The following ZDHHC1 variants were observed in gnomAD, a reference collection of about 807,000 sequenced individuals.
ZDHHC1 encodes the protein palmitoyltransferase ZDHHC1.
A neutral mutation model predicts 46.9 loss-of-function variants in ZDHHC1; 45 were observed. That is an observed-to-expected ratio of 0.96 (90% confidence interval 0.76 to 1.23). The LOEUF (loss-of-function observed/expected upper bound fraction) is 1.23. Ranked by LOEUF, ZDHHC1 falls within the 50% of genes most tolerant of loss-of-function variation. ZDHHC1 has a pLI of 0.00. For synonymous variants in ZDHHC1, 291 were observed against 286.0 expected, an observed-to-expected ratio of 1.02 and a Z score of -0.18; for missense variants, 649 against 670.8, an observed-to-expected ratio of 0.97 and a Z score of 0.36.
chr16:67,414,531 C>G (rs891198167), intron 1 of ZDHHC1, among the ~76,000 whole-genome samples: 1 of 152,222 alleles, frequency 6.6e-6, no homozygotes, highest in African/African-American at 2.4e-5. Flanking sequence ...ATAACCAACA[C>G]CAGCATTTAG....
chr16:67,399,607 TGCAG>T, intron 4 of ZDHHC1, 151 bp from the exon 5 acceptor site: 1 of 591,424 alleles, frequency 1.7e-6, no homozygotes, highest in East Asian at 3.2e-5. Context: ...GCGCGCCCTC[TGCAG>T]GCGCTGCGGG....
intron 4 of ZDHHC1, among the ~76,000 whole-genome samples, chr16:67,400,451 G>A (rs1469173659): frequency 6.6e-6 from 1 of 152,260 alleles, no homozygotes; most frequent in East Asian, 1.9e-4. Flanking sequence ...GACTCCTCCT[G>A]GGTAGACCCC....
Position 67,401,186 on chromosome 16 carries a change from C to T in ZDHHC1, c.253-54G>A, listed in dbSNP as rs922426700. The T allele has an allele frequency of 2.0e-5, 32 of 1,589,504 alleles. No individual in the cohort carries two copies. The highest frequency in any genetic ancestry group is 2.2e-4 in the Middle Eastern group (1 of 4,508). ...ACTCTGCCGGCTGGGAGTCCTGCCC[C>T]GTTCCTTGCAGCCAGAGAACTCCCC... On this transcript the variant is annotated intron_variant, in intron 3 of 11. Coordinates refer to ENST00000565726, the MANE Select transcript of ZDHHC1 (RefSeq NM_001323627.2). This position sits in a 1 kb window ranked among gnomAD's most constrained non-coding sequence, Gnocchi z 4.6.
At chr16:67,395,700 T>TG in intron 8 of ZDHHC1, 134 bp from the exon 9 acceptor site, 1 of 881,440 alleles carries the variant, frequency 1.1e-6, no homozygotes, top group Non-Finnish European at 1.7e-6. Flanking sequence ...CTCCCAGCCA[T>TG]GCTGGGAAAA....
chr16:67,398,268 CCTCCTGTGGTGGG>C lies in ZDHHC1; in HGVS notation c.858_870del (p.Pro288ArgfsTer43). On this transcript the variant is annotated frameshift_variant, in exon 8 of 12. Transcript: ENST00000565726. LOFTEE classifies it high-confidence loss of function. The stretch of plus-strand genomic sequence containing the variant: ...TCGAGCTCCCTGTGAACCCCCTTGG[CCTCCTGTGGTGGG>C]CGGTGCTGCACGATGTACTCATAGG... 1 of 1,614,154 alleles carries C rather than the reference CCTCCTGTGGTGGG, an allele frequency of 6.2e-7. No homozygotes were observed. Among genetic ancestry groups the C allele is most frequent in the Non-Finnish European group, 8.5e-7 (1 of 1,180,000 alleles).
At position 67,399,339 on chromosome 16, in the gene ZDHHC1, G is replaced by A; in HGVS notation, c.530+16C>T. On this transcript the variant is annotated intron_variant, in intron 5 of 11. Coordinates refer to ENST00000565726, the MANE Select transcript of ZDHHC1 (RefSeq NM_001323627.2). ...CAGTGCATCCCCAGGCCCGCGTGCG[G>A]CCGGGCTGTCCTCACCGGTAGTTCC... The A allele has an allele frequency of 6.2e-7, 1 of 1,604,010 alleles. No individual in the cohort carries two copies. The highest frequency in any genetic ancestry group is 8.5e-7 in the Non-Finnish European group (1 of 1,173,448).
rs2040375213 is a variant in ZDHHC1 at position 67,394,500 on chromosome 16, T to G, written c.*110A>C. 6.1e-6 allele frequency: 6 copies of G among 978,346 alleles called. No individual in the cohort carries two copies. In the South Asian group the frequency reaches 2.5e-4, roughly 41 times the overall value. 60.6% of individuals were successfully genotyped at this position (978,346 alleles called of 1,614,324 possible). A position where few individuals can be genotyped will look rare whatever the true frequency, so the allele number is the denominator to read the frequency against. On this transcript the variant is annotated 3_prime_UTR_variant, in exon 12 of 12. Transcript: ENST00000565726. ...CTGAGTCGTGGGGGAGGGAGGCCGA[T>G]CCCGCCGGCCGTAGGGGCCCCTAAA...
At chr16:67,395,312 C>G in intron 9 of ZDHHC1, 32 bp from the exon 10 acceptor site, 1 of 1,502,308 alleles carries the variant, frequency 6.7e-7, no homozygotes, top group Non-Finnish European at 8.9e-7. Flanking sequence ...AAGCCTGGGG[C>G]CTGTTCCCCA....
chr16:67,411,453 C>A lies in ZDHHC1; in HGVS notation c.-38-3640G>T, dbSNP rs558577387. Among the ~76,000 whole-genome samples, 5 of 152,276 alleles carry A rather than the reference C, an allele frequency of 3.3e-5. No individual in the cohort carries two copies. In the South Asian group the frequency reaches 1.0e-3, roughly 32 times the overall value. ...ACTCACAGACTGAGGAACATTGGGGCAAATTTCACAGATCCACTTCTTTGG... is the reference window on the plus strand; with the variant it reads ...ACTCACAGACTGAGGAACATTGGGGAAAATTTCACAGATCCACTTCTTTGG... On this transcript the variant is annotated intron_variant, in intron 1 of 11. Transcript: ENST00000565726.
intron 5 of ZDHHC1, 77 bp from the exon 6 acceptor site, chr16:67,399,021 G>C: frequency 7.8e-6 from 12 of 1,548,020 alleles, no homozygotes; most frequent in Non-Finnish European, 9.6e-6. Context: ...GGGCTGTAGG[G>C]TCATTGCTAT....
Position 67,394,509 on chromosome 16 carries a change from C to G in ZDHHC1, c.*101G>C, listed in dbSNP as rs1004089116. 14 of 1,053,324 alleles carry G rather than the reference C, an allele frequency of 1.3e-5. No individual in the cohort carries two copies. In the African/African-American group the frequency reaches 2.0e-4, roughly 15 times the overall value. 65.2% of individuals were successfully genotyped at this position (1,053,324 alleles called of 1,614,324 possible). ...GGGGGAGGGAGGCCGATCCCGCCGG[C>G]CGTAGGGGCCCCTAAAGTGCACTCG... On this transcript the variant is annotated 3_prime_UTR_variant, in exon 12 of 12. Transcript: ENST00000565726.
Position 67,400,951 on chromosome 16 carries a change from A to T in ZDHHC1, c.428+6T>A. On this transcript the variant is annotated splice_donor_region_variant and intron_variant, in intron 4 of 11. Coordinates refer to ENST00000565726, the MANE Select transcript of ZDHHC1 (RefSeq NM_001323627.2). ...TCGGCAGCCACAAGCACCCACACAC[A>T]CTCACACATCCACGTTGCACAAGTT... The T allele has an allele frequency of 6.2e-7, 1 of 1,613,066 alleles. No individual in the cohort carries two copies. The highest frequency in any genetic ancestry group is 8.5e-7 in the Non-Finnish European group (1 of 1,179,606).
intron 1 of ZDHHC1, among the ~76,000 whole-genome samples, chr16:67,408,178 T>C (rs968585342): frequency 6.6e-6 from 1 of 152,028 alleles, no homozygotes; most frequent in Non-Finnish European, 1.5e-5. Context: ...TTTTTTTTTT[T>C]CTTCTGAGAC....
intron 8 of ZDHHC1, among the ~76,000 whole-genome samples, chr16:67,396,623 G>C (rs752044191): frequency 2.6e-5 from 4 of 152,322 alleles, no homozygotes; most frequent in Non-Finnish European, 5.9e-5. Context: ...AGCCCAGCCA[G>C]CGGCCCCGCC....
intron 3 of ZDHHC1, among the ~76,000 whole-genome samples, chr16:67,403,118 C>G (rs2040584552): frequency 6.6e-6 from 1 of 152,122 alleles, no homozygotes; most frequent in Non-Finnish European, 1.5e-5. Flanking sequence ...GAAAGGGGGC[C>G]TGGCTAGGGA....
chr16:67,413,210 G>A (rs1032037635), intron 1 of ZDHHC1, among the ~76,000 whole-genome samples: 4 of 152,084 alleles, frequency 2.6e-5, no homozygotes, highest in Non-Finnish European at 5.9e-5. Context: ...CTCCCAAAGC[G>A]CTGGGATTAC....
intron 5 of ZDHHC1, 89 bp downstream of exon 5, chr16:67,399,266 C>T (rs369813071): frequency 1.6e-6 from 2 of 1,238,222 alleles, no homozygotes; most frequent in Non-Finnish European, 2.3e-6. Flanking sequence ...TCCCCATCCC[C>T]GCCCGCCTGC....
In ZDHHC1 at chr16:67,416,434, G is replaced by A; in HGVS notation, c.-302C>T. ...GGCTCCGGCTCCAGCAGGCTGGAGG[G>A]GCGGCCAGGCCAGACCCAGACTGGC... On this transcript the variant is annotated 5_prime_UTR_variant, in exon 1 of 12. Coordinates refer to ENST00000565726, the MANE Select transcript of ZDHHC1 (RefSeq NM_001323627.2). The A allele has an allele frequency of 5.0e-6, 1 of 199,728 alleles. No homozygotes were observed. Among genetic ancestry groups the A allele is most frequent in the South Asian group, 5.9e-5 (1 of 16,828 alleles). The allele number at this position is 199,728 out of a possible 1,614,324, so 12.4% of individuals were successfully genotyped here. A position where few individuals can be genotyped will look rare whatever the true frequency, so the allele number is the denominator to read the frequency against.
intron 1 of ZDHHC1, among the ~76,000 whole-genome samples, chr16:67,415,121 C>G (rs938472432): frequency 6.7e-6 from 1 of 150,358 alleles, no homozygotes; most frequent in African/African-American, 2.5e-5. Flanking sequence ...GGTGACAGAG[C>G]GAGACTCCAT....
Sources: allele counts gnomAD v4.1 joint callset (sites outside exome capture counted in the v4.1 genomes callset), GRCh38; gene constraint gnomAD v4.1.1; non-coding constraint Gnocchi (gnomAD v3.1); transcripts MANE v1.5; gene names NCBI Gene and HGNC (gene_info 2026-07-23, HGNC 2026-07-21).